The following SLC25A25 variants were observed in gnomAD, a reference collection of about 807,000 sequenced individuals.
SLC25A25 encodes the protein mitochondrial adenyl nucleotide antiporter SLC25A25.
In SLC25A25, 32 loss-of-function variants were observed where a neutral mutation model predicts 57.7. The ratio of observed to expected loss-of-function variants is 0.55; its 90% CI spans 0.42 to 0.74. SLC25A25 has a LOEUF of 0.74. Ranked by LOEUF, SLC25A25 falls within the 30% of genes least tolerant of loss-of-function variation. SLC25A25 has a pLI of 0.00. For missense variants in SLC25A25, 556 were observed against 701.3 expected (o/e 0.79, Z 2.34); for synonymous variants, 306 against 291.2 (o/e 1.05, Z -0.52).
intron 1 of SLC25A25, among the ~76,000 whole-genome samples, chr9:128,082,406 A>T (rs1444554605): frequency 6.6e-6 from 1 of 152,154 alleles, no homozygotes; most frequent in Non-Finnish European, 1.5e-5. Context: ...CCTGCCTTAC[A>T]GCCTGAAACT....
At chr9:128,106,564 A>G in intron 9 of SLC25A25, 44 bp downstream of exon 9, 4 of 1,530,260 alleles carry the variant, frequency 2.6e-6, no homozygotes, top group South Asian at 1.3e-5. Context: ...CTCCCAGCAC[A>G]CCTCCACCTG....
intron 1 of SLC25A25, among the ~76,000 whole-genome samples, chr9:128,072,346 TG>T (rs1684509017): frequency 6.6e-6 from 1 of 152,172 alleles, no homozygotes; most frequent in Non-Finnish European, 1.5e-5. Flanking sequence ...TCATCTGCCA[TG>T]GGAATAGATG....
intron 1 of SLC25A25, among the ~76,000 whole-genome samples, chr9:128,078,149 A>C (rs1833059450): frequency 6.6e-6 from 1 of 152,150 alleles, no homozygotes; most frequent in South Asian, 2.1e-4. Context: ...TCCTTATCAG[A>C]AACTTGTTGG....
intron 1 of SLC25A25, 38 bp downstream of exon 1, chr9:128,068,618 G>T: frequency 1.4e-6 from 2 of 1,393,900 alleles, no homozygotes; most frequent in Non-Finnish European, 9.3e-7. Context: ...CGGGGAGGGA[G>T]CCCCTCGAGG....
chr9:128,087,330 C>A (rs921051881), intron 1 of SLC25A25, among the ~76,000 whole-genome samples: 1 of 151,854 alleles, frequency 6.6e-6, no homozygotes, highest in Non-Finnish European at 1.5e-5. Flanking sequence ...GACGCAGTCT[C>A]GGCTTACTGC....
In SLC25A25 at chr9:128,108,309, T is replaced by C. The variant is rs1834133772; in HGVS notation, c.*865T>C. On this transcript the variant is annotated 3_prime_UTR_variant, in exon 11 of 11. Coordinates refer to ENST00000373069, the MANE Select transcript of SLC25A25 (RefSeq NM_001330988.2). ...AAGGAAAAGGTGTTGGAGGCCTTAA[T>C]TATGGACTGTTGGGAAAAGGGTTTT... 5.0e-6 allele frequency: 2 copies of C among 398,900 alleles called. No homozygotes were observed. The highest frequency in any genetic ancestry group is 7.1e-5 in the East Asian group (2 of 28,066). 24.7% of individuals were successfully genotyped at this position (398,900 alleles called of 1,614,324 possible). A position where few individuals can be genotyped will look rare whatever the true frequency, so the allele number is the denominator to read the frequency against.
At chr9:128,077,647 G>C (rs1833048691) in intron 1 of SLC25A25, among the ~76,000 whole-genome samples, 1 of 152,090 alleles carries the variant, frequency 6.6e-6, no homozygotes, top group Non-Finnish European at 1.5e-5. Context: ...GTACTGGCGG[G>C]TAGAGAGATA....
chr9:128,080,581 G>A (rs975270411), intron 1 of SLC25A25, among the ~76,000 whole-genome samples: 10 of 150,722 alleles, frequency 6.6e-5, no homozygotes, highest in African/African-American at 1.7e-4. Context: ...CACCGTGCCC[G>A]GCTAATTTTT....
At chr9:128,091,945 C>T (rs749474220) in intron 1 of SLC25A25, 3 of 1,613,824 alleles carry the variant, frequency 1.9e-6, no homozygotes, top group East Asian at 2.2e-5. Context: ...GAGAGGGGGA[C>T]GATCGTGAAG....
intron 1 of SLC25A25, chr9:128,091,902 G>C (rs375244764): frequency 3.1e-6 from 5 of 1,611,804 alleles, no homozygotes; most frequent in Non-Finnish European, 4.2e-6. Context: ...TTCCTAGCTA[G>C]CTTTTTCCCC....
intron 1 of SLC25A25, chr9:128,091,368 G>C: frequency 1.1e-6 from 1 of 915,562 alleles, no homozygotes; most frequent in Non-Finnish European, 1.3e-6. Context: ...TGCTGGTAGG[G>C]ATAATGAACT....
intron 7 of SLC25A25, 87 bp downstream of exon 7, chr9:128,105,968 A>G: frequency 6.4e-7 from 1 of 1,565,894 alleles, no homozygotes; most frequent in Middle Eastern, 1.7e-4. Flanking sequence ...GAGCTCCCTG[A>G]CACTTGGAGC....
At chr9:128,075,548 A>C (rs1234264598) in intron 1 of SLC25A25, among the ~76,000 whole-genome samples, 1 of 152,108 alleles carries the variant, frequency 6.6e-6, no homozygotes, top group Non-Finnish European at 1.5e-5. Flanking sequence ...AAAGAAAAGA[A>C]AAGAAAATGG....
intron 1 of SLC25A25, among the ~76,000 whole-genome samples, chr9:128,100,185 A>G (rs557503683): frequency 6.7e-6 from 1 of 149,144 alleles, no homozygotes; most frequent in Non-Finnish European, 1.5e-5. Flanking sequence ...TACCTCCTAG[A>G]GCTGTTTGCG....
In SLC25A25 at chr9:128,089,634, CTTT is replaced by C. The variant is rs11307596; in HGVS notation, c.262-11446_262-11444del. Among the ~76,000 whole-genome samples the C allele has an allele frequency of 4.7e-3, 594 of 126,270 alleles. 5 individuals carry two copies. Among genetic ancestry groups the C allele is most frequent in the Middle Eastern group, 0.016 (4 of 248 alleles). The allele number at this position is 126,270 out of a possible 152,430, so 82.8% of individuals were successfully genotyped here. A position where few individuals can be genotyped will look rare whatever the true frequency, so the allele number is the denominator to read the frequency against. On this transcript the variant is annotated intron_variant, in intron 1 of 10. Transcript: ENST00000373069. Reference sequence around the variant, plus strand: ...CCATCTTACTTTCTCTCCAGATTGTCTTTTTTTTTTTTTTTTTTGAGACAGGAT... The same window carrying C: ...CCATCTTACTTTCTCTCCAGATTGTCTTTTTTTTTTTTTTTGAGACAGGAT...
intron 1 of SLC25A25, chr9:128,091,828 A>G: frequency 6.4e-7 from 1 of 1,566,208 alleles, no homozygotes; most frequent in Non-Finnish European, 8.7e-7. Context: ...CACATCCCTC[A>G]AAAGTGAACA....
chr9:128,069,665 GCTAA>G (rs777904343), intron 1 of SLC25A25, among the ~76,000 whole-genome samples: 19 of 152,280 alleles, frequency 1.2e-4, no homozygotes, highest in South Asian at 2.1e-4. Flanking sequence ...GGTATTTAGC[GCTAA>G]CTATTAGGAT....
At chr9:128,089,483 G>A (rs1357772977) in intron 1 of SLC25A25, among the ~76,000 whole-genome samples, 1 of 152,042 alleles carries the variant, frequency 6.6e-6, no homozygotes, top group Non-Finnish European at 1.5e-5. Context: ...TTGGGGTCTG[G>A]CTCCAGTGAC....
intron 1 of SLC25A25, among the ~76,000 whole-genome samples, chr9:128,069,918 A>ATTT (rs758820179): frequency 5.8e-5 from 6 of 103,058 alleles, no homozygotes; most frequent in Non-Finnish European, 7.6e-5. Context: ...CACCCAGCTA[A>ATTT]TTTTTTTTTT....
Sources: allele counts gnomAD v4.1 joint callset (sites outside exome capture counted in the v4.1 genomes callset), GRCh38; gene constraint gnomAD v4.1.1; transcripts MANE v1.5; gene names NCBI Gene and HGNC (gene_info 2026-07-23, HGNC 2026-07-21).